RYR2: variants seen among roughly 807,000 people sequenced by gnomAD.
RYR2 encodes the protein cardiac muscle ryanodine receptor-calcium release channel.
A neutral mutation model predicts 601.1 loss-of-function variants in RYR2; 227 were observed. The ratio of observed to expected loss-of-function variants is 0.38; its 90% CI spans 0.34 to 0.42. The LOEUF is 0.42. Among genes scored for constraint, RYR2 ranks in the 10% least tolerant of loss-of-function variants. The probability of loss-of-function intolerance (pLI) is 1.00; values close to 1 mark genes in which losing one functional copy is unlikely to be tolerated. For missense variants in RYR2, 4,646 were observed against 6,156.5 expected, an observed-to-expected ratio of 0.75 and a Z score of 8.21; for synonymous variants, 2,223 against 2,175.1, an observed-to-expected ratio of 1.02 and a Z score of -0.61.
chr1:237,687,366 C>CTTTTTTTTTTTTTTTTTTTTTTTTCTT, intron 62 of RYR2, 89 bp from the exon 63 acceptor site: 2 of 257,686 alleles, frequency 7.8e-6, no homozygotes, highest in South Asian at 4.1e-5. Flanking sequence ...TTTTCTTCTT[C>CTTTTTTTTTTTTTTTTTTTTTTTTCTT]TTTTTTTTTT....
Position 237,591,788 on chromosome 1 carries a change from A to C in RYR2, c.4210A>C (p.Arg1404=). 1 of 1,613,790 alleles carries C rather than the reference A, an allele frequency of 6.2e-7. No homozygotes were observed. Among genetic ancestry groups the C allele is most frequent in the Non-Finnish European group, 8.5e-7 (1 of 1,179,814 alleles). The change falls in exon 32 of 105, where the codon AGA becomes CGA. Residue 1404 remains arginine (R), a synonymous_variant. Transcript: ENST00000366574. ...AGATTACAGCACAAGCCATTCTGCA[A>C]GACTCACCGAAGATGTCCTTGCTGA... ...KPDYSTSHSA[R]LTEDVLADDR...
intron 1 of RYR2, among the ~76,000 whole-genome samples, chr1:237,160,264 T>C (rs1332519695): frequency 6.6e-6 from 1 of 152,230 alleles, no homozygotes; most frequent in Non-Finnish European, 1.5e-5. Flanking sequence ...ATGATCTCAT[T>C]TGGAAACAAT....
intron 1 of RYR2, among the ~76,000 whole-genome samples, chr1:237,124,852 A>C (rs1350564752): frequency 2.0e-5 from 3 of 152,140 alleles, no homozygotes; most frequent in African/African-American, 7.2e-5. Flanking sequence ...TGGCAAGCCA[A>C]TTCTACTTTC....
intron 63 of RYR2, among the ~76,000 whole-genome samples, chr1:237,695,833 A>G (rs1687375643): frequency 6.6e-6 from 1 of 152,138 alleles, no homozygotes; most frequent in East Asian, 1.9e-4. Context: ...CATTTTTTAC[A>G]TAGAGGTGTT....
intron 70 of RYR2, 72 bp from the exon 71 acceptor site, chr1:237,711,673 G>T (rs974237678): frequency 1.4e-6 from 1 of 734,108 alleles, no homozygotes; most frequent in Non-Finnish European, 2.4e-6. Flanking sequence ...AAACTTGCAG[G>T]TTCTGTGTAA....
At chr1:237,205,678 A>T (rs1681728648) in intron 1 of RYR2, among the ~76,000 whole-genome samples, 1 of 152,192 alleles carries the variant, frequency 6.6e-6, no homozygotes, top group African/African-American at 2.4e-5. Flanking sequence ...CTCCAAAGAA[A>T]TCCAAAGGAG....
intron 1 of RYR2, among the ~76,000 whole-genome samples, chr1:237,054,363 G>A (rs1661710072): frequency 9.1e-6 from 1 of 110,270 alleles, no homozygotes; most frequent in Non-Finnish European, 1.7e-5. Context: ...CAGGAAAAAT[G>A]GTAAAAGACT....
intron 1 of RYR2, among the ~76,000 whole-genome samples, chr1:237,231,815 G>A (rs1466677237): frequency 2.0e-5 from 3 of 152,016 alleles, no homozygotes; most frequent in Admixed American, 2.0e-4. Context: ...TACTCCCACC[G>A]CATCTTGTTC....
intron 1 of RYR2, among the ~76,000 whole-genome samples, chr1:237,261,653 T>C (rs1194901144): frequency 1.3e-5 from 2 of 152,192 alleles, no homozygotes; most frequent in Non-Finnish European, 2.9e-5. Context: ...CCCAGCACTT[T>C]GGGAGGCCGA....
chr1:237,695,738 T>C (rs1233296480), intron 63 of RYR2, among the ~76,000 whole-genome samples: 1 of 152,210 alleles, frequency 6.6e-6, no homozygotes, highest in Non-Finnish European at 1.5e-5. Context: ...TTCTTACACA[T>C]GCTAATGGGA....
chr1:237,083,854 ATGTGGGACTTT>A (rs998908637), intron 1 of RYR2, among the ~76,000 whole-genome samples: 1 of 152,132 alleles, frequency 6.6e-6, no homozygotes, highest in African/African-American at 2.4e-5. Flanking sequence ...TCCCTGGAGG[ATGTGGGACTTT>A]TGTCCACTTA....
At chr1:237,802,606 A>G (rs1660105873) in intron 98 of RYR2, among the ~76,000 whole-genome samples, 1 of 152,238 alleles carries the variant, frequency 6.6e-6, no homozygotes, top group Non-Finnish European at 1.5e-5. Flanking sequence ...CAGGTCTTCC[A>G]AGTATCTTTC....
At chr1:237,739,137 T>G (rs928223442) in intron 79 of RYR2, among the ~76,000 whole-genome samples, 3 of 152,240 alleles carry the variant, frequency 2.0e-5, no homozygotes, top group Non-Finnish European at 4.4e-5. Context: ...CTCTCTATTA[T>G]GATGAGTACA....
chr1:237,241,419 T>A (rs2149235170), intron 1 of RYR2, among the ~76,000 whole-genome samples: 1 of 152,346 alleles, frequency 6.6e-6, no homozygotes, highest in South Asian at 2.1e-4. Flanking sequence ...TGTTGGTCAC[T>A]ATATTTAAAT....
intron 27 of RYR2, among the ~76,000 whole-genome samples, chr1:237,556,631 A>G (rs1160411864): frequency 6.6e-6 from 1 of 151,828 alleles, no homozygotes; most frequent in Non-Finnish European, 1.5e-5. Flanking sequence ...TTTAACACAT[A>G]GATATGGAAC....
At chr1:237,081,482 A>G (rs1366341694) in intron 1 of RYR2, among the ~76,000 whole-genome samples, 4 of 135,890 alleles carry the variant, frequency 2.9e-5, no homozygotes, top group Non-Finnish European at 6.4e-5. Flanking sequence ...TTCTTTATAT[A>G]TGTATATACA....
At chr1:237,515,671 TTTTCC>T (rs1347911279) in intron 24 of RYR2, among the ~76,000 whole-genome samples, 1 of 7,940 alleles carries the variant, frequency 1.3e-4, no homozygotes, top group Admixed American at 1.7e-3. Context: ...CCCTCCCTTT[TTTTCC>T]TTCCTTCCTT....
At chr1:237,406,486 ATAT>A (rs1703919381) in intron 10 of RYR2, among the ~76,000 whole-genome samples, 1 of 151,864 alleles carries the variant, frequency 6.6e-6, no homozygotes, top group South Asian at 2.1e-4. Flanking sequence ...ATAGTTCTTC[ATAT>A]TATTTACTTT....
intron 1 of RYR2, among the ~76,000 whole-genome samples, chr1:237,083,693 C>T (rs1328643935): frequency 6.6e-6 from 1 of 152,114 alleles, no homozygotes; most frequent in African/African-American, 2.4e-5. Flanking sequence ...AACTGTGCTC[C>T]TCTATTTCTC....
Sources: gnomAD v4.1 joint callset for allele counts (sites outside exome capture counted in the v4.1 genomes callset) on GRCh38, gnomAD v4.1.1 for gene constraint, MANE v1.5 for transcripts, NCBI Gene and HGNC (gene_info 2026-07-23, HGNC 2026-07-21) for gene names.